Variants in GULP1 observed in about 807,000 individuals in gnomAD.
The protein encoded by GULP1 is PTB domain-containing engulfment adapter protein 1.
Under a neutral mutation model 40.9 loss-of-function variants are expected in GULP1, and 19 were observed. That is an observed-to-expected ratio of 0.46 (90% CI 0.32 to 0.68). The LOEUF (loss-of-function observed/expected upper bound fraction) is 0.68. GULP1 is among the 30% of genes least tolerant of loss of function. The pLI is 0.03. For synonymous variants in GULP1, 119 were observed against 117.6 expected (o/e 1.01, Z -0.08); for missense variants, 312 against 362.2 (o/e 0.86, Z 1.12).
At chr2:188,579,616 G>C (rs1700868197) in intron 9 of GULP1, among the ~76,000 whole-genome samples, 1 of 152,086 alleles carries the variant, frequency 6.6e-6, no homozygotes, top group Non-Finnish European at 1.5e-5. Flanking sequence ...AAGAAGACCT[G>C]TGAGGACTAG....
At chr2:188,580,532 G>A (rs546440272) in intron 9 of GULP1, among the ~76,000 whole-genome samples, 526 of 135,606 alleles carry the variant, frequency 3.9e-3, no homozygotes, top group African/African-American at 0.011. Context: ...CAGCCTGGGC[G>A]ACAGAGCGAG....
chr2:188,563,226 G>T (rs1462166375), intron 7 of GULP1, among the ~76,000 whole-genome samples: 1 of 151,902 alleles, frequency 6.6e-6, no homozygotes, highest in East Asian at 1.9e-4. Context: ...CCAAATATTG[G>T]TGCTTCATTA....
intron 11 of GULP1, chr2:188,589,793 T>C: frequency 9.1e-7 from 1 of 1,101,662 alleles, no homozygotes; most frequent in Non-Finnish European, 1.2e-6. Context: ...AACTTACAAA[T>C]TTTTAAAGCT....
At chr2:188,427,576 C>T (rs558523588) in intron 2 of GULP1, among the ~76,000 whole-genome samples, 20 of 152,310 alleles carry the variant, frequency 1.3e-4, no homozygotes, top group Non-Finnish European at 2.5e-4. Flanking sequence ...GGCCCAAGTA[C>T]AGCATGGGCC....
At chr2:188,554,620 A>G (rs554829882) in intron 7 of GULP1, among the ~76,000 whole-genome samples, 1 of 151,696 alleles carries the variant, frequency 6.6e-6, no homozygotes, top group East Asian at 1.9e-4. Flanking sequence ...TATCTTCTGC[A>G]GTTTTTGGAT....
intron 2 of GULP1, among the ~76,000 whole-genome samples, chr2:188,429,643 G>A (rs924983851): frequency 2.6e-5 from 4 of 152,110 alleles, no homozygotes; most frequent in African/African-American, 9.7e-5. Context: ...GAGCTGGAGA[G>A]AATTTTTTAA....
intron 2 of GULP1, among the ~76,000 whole-genome samples, chr2:188,416,991 T>A (rs137973520): frequency 6.6e-6 from 1 of 152,340 alleles, no homozygotes; most frequent in Non-Finnish European, 1.5e-5. Flanking sequence ...TGGAAAATAC[T>A]CTTTGTCTAC....
At chr2:188,509,579 G>A (rs1174232800) in intron 4 of GULP1, among the ~76,000 whole-genome samples, 2 of 152,012 alleles carry the variant, frequency 1.3e-5, no homozygotes, top group Non-Finnish European at 2.9e-5. Flanking sequence ...ATGAGGACAG[G>A]AGTTTGAGTA....
At chr2:188,518,943 GT>G (rs1182262072) in intron 4 of GULP1, among the ~76,000 whole-genome samples, 3 of 152,054 alleles carry the variant, frequency 2.0e-5, no homozygotes, top group Non-Finnish European at 4.4e-5. Flanking sequence ...TCTCGAGCTT[GT>G]TCTAACATGC....
intron 1 of GULP1, among the ~76,000 whole-genome samples, chr2:188,347,806 T>G (rs1232553411): frequency 6.6e-6 from 1 of 152,162 alleles, no homozygotes; most frequent in Non-Finnish European, 1.5e-5. Context: ...TTTGTAGAGA[T>G]GGCATTTTGC....
intron 4 of GULP1, among the ~76,000 whole-genome samples, chr2:188,507,083 T>TG (rs1449419225): frequency 6.6e-6 from 1 of 151,984 alleles, no homozygotes; most frequent in Non-Finnish European, 1.5e-5. Flanking sequence ...TGAAGGCTCC[T>TG]GGCAGGATTT....
intron 10 of GULP1, 56 bp downstream of exon 10, chr2:188,584,459 T>C (rs1701958735): frequency 2.0e-6 from 2 of 997,158 alleles, no homozygotes; most frequent in African/African-American, 3.2e-5. Flanking sequence ...ATTTTAAATA[T>C]ATAATTAAGA....
At chr2:188,440,009 G>A (rs1348942704) in intron 2 of GULP1, among the ~76,000 whole-genome samples, 1 of 152,120 alleles carries the variant, frequency 6.6e-6, no homozygotes. Context: ...TAATTCAAAA[G>A]TGAGGAAATA....
intron 7 of GULP1, among the ~76,000 whole-genome samples, chr2:188,566,522 A>T (rs1697708251): frequency 6.6e-6 from 1 of 152,094 alleles, no homozygotes; most frequent in Non-Finnish European, 1.5e-5. Context: ...AAGATAACAT[A>T]ATGTCTCGTT....
chr2:188,373,419 T>C (rs1253729555), intron 1 of GULP1, among the ~76,000 whole-genome samples: 1 of 152,034 alleles, frequency 6.6e-6, no homozygotes, highest in Non-Finnish European at 1.5e-5. Context: ...CTGTCCTGTA[T>C]ACCAGCATCC....
intron 1 of GULP1, among the ~76,000 whole-genome samples, chr2:188,364,520 G>A (rs776595886): frequency 6.6e-6 from 1 of 152,082 alleles, no homozygotes; most frequent in Non-Finnish European, 1.5e-5. Flanking sequence ...CCTTGAAGGA[G>A]AGCAGCTATG....
At chr2:188,366,283 G>T (rs972762363) in intron 1 of GULP1, among the ~76,000 whole-genome samples, 4 of 151,990 alleles carry the variant, frequency 2.6e-5, no homozygotes, top group Admixed American at 6.6e-5. Flanking sequence ...ACCAAGAAAC[G>T]GTTTACATGA....
intron 1 of GULP1, among the ~76,000 whole-genome samples, chr2:188,358,432 G>A (rs2045652817): frequency 6.6e-6 from 1 of 152,018 alleles, no homozygotes; most frequent in Non-Finnish European, 1.5e-5. Context: ...AGCACTGTAG[G>A]GTGAATATAG....
chr2:188,410,636 C>G (rs2053743649), intron 2 of GULP1, among the ~76,000 whole-genome samples: 1 of 151,962 alleles, frequency 6.6e-6, no homozygotes, highest in Non-Finnish European at 1.5e-5. Flanking sequence ...AAATTAAAAC[C>G]ACAATGAGCT....
Sources: allele counts gnomAD v4.1 joint callset (sites outside exome capture counted in the v4.1 genomes callset), GRCh38; gene constraint gnomAD v4.1.1; transcripts MANE v1.5; gene names NCBI Gene and HGNC (gene_info 2026-07-23, HGNC 2026-07-21).